Variants in COBLL1 observed in about 807,000 individuals in gnomAD.
COBLL1 encodes the protein cordon-bleu WH2 repeat protein like 1, also known as cordon-bleu protein-like 1.
Under a neutral mutation model 94.8 loss-of-function variants are expected in COBLL1, and 50 were observed. The ratio of observed to expected loss-of-function variants is 0.53; its 90% CI spans 0.42 to 0.67. The LOEUF is 0.67. COBLL1 is among the 30% of genes least tolerant of loss of function. The pLI is 0.00. For synonymous variants in COBLL1, 448 were observed against 473.8 expected (o/e 0.95, Z 0.71); for missense variants, 1,362 against 1,348.7 (o/e 1.01, Z -0.15).
chr2:164,773,057 T>C (rs1354693683), intron 2 of COBLL1, among the ~76,000 whole-genome samples: 1 of 152,164 alleles, frequency 6.6e-6, no homozygotes, highest in East Asian at 1.9e-4. Flanking sequence ...GTAAATTGAC[T>C]AACTGCAATT....
intron 2 of COBLL1, among the ~76,000 whole-genome samples, chr2:164,773,446 C>G (rs1161174490): frequency 6.6e-6 from 1 of 151,968 alleles, no homozygotes; most frequent in Non-Finnish European, 1.5e-5. Flanking sequence ...TATTCTCTAA[C>G]ATGTATATAC....
At chr2:164,807,530 C>T (rs1316567160) in intron 2 of COBLL1, among the ~76,000 whole-genome samples, 1 of 151,002 alleles carries the variant, frequency 6.6e-6, no homozygotes, top group Admixed American at 6.6e-5. Flanking sequence ...ACATCCTCTC[C>T]ATATATTTGT....
rs550025961 is a variant in COBLL1 at position 164,715,751 on chromosome 2, C to T, written c.996+6324G>A. On this transcript the variant is annotated intron_variant, in intron 7 of 13. Transcript: ENST00000652658. Reference sequence around the variant, plus strand: ...ATAATACTAGATGGCAAAGAGTTTCCGTTTCTCAATAGTTGAGTGTTTGTC... The same window carrying T: ...ATAATACTAGATGGCAAAGAGTTTCTGTTTCTCAATAGTTGAGTGTTTGTC... Among the ~76,000 whole-genome samples the T allele has an allele frequency of 2.4e-3, 371 of 151,702 alleles. 1 individual carries two copies. Among genetic ancestry groups the T allele is most frequent in the Non-Finnish European group, 4.5e-3 (308 of 67,892 alleles).
intron 8 of COBLL1, 36 bp downstream of exon 8, chr2:164,704,916 A>T: frequency 1.3e-6 from 2 of 1,514,144 alleles, no homozygotes; most frequent in Non-Finnish European, 8.8e-7. Flanking sequence ...AACAAAACAC[A>T]ATACAAATGT....
chr2:164,805,363 A>ATTTATATATATATAT (rs1553480466), intron 2 of COBLL1, among the ~76,000 whole-genome samples: 6 of 115,882 alleles, frequency 5.2e-5, no homozygotes, highest in South Asian at 2.7e-4. Context: ...ATATATATAT[A>ATTTATATATATATAT]AAACTAAAGT....
chr2:164,666,208 C>A (rs2105384789), intron 1 of COBLL1, among the ~76,000 whole-genome samples: 1 of 152,188 alleles, frequency 6.6e-6, no homozygotes, highest in East Asian at 1.9e-4. Context: ...CCATTCTAGA[C>A]CACTACAATA....
intron 1 of COBLL1, among the ~76,000 whole-genome samples, chr2:164,668,642 A>G (rs760426576): frequency 3.4e-4 from 52 of 152,348 alleles, no homozygotes; most frequent in Non-Finnish European, 5.3e-4. Context: ...ATGTTCGTGA[A>G]GTGCAATTAA....
At chr2:164,840,650 C>G (rs1360761646) in intron 2 of COBLL1, 1 of 153,084 alleles carries the variant, frequency 6.5e-6, no homozygotes, top group Non-Finnish European at 1.5e-5. Flanking sequence ...GCGCGCACCC[C>G]GCTCGCTCCC....
intron 5 of COBLL1, chr2:164,723,802 A>C (rs908297908): frequency 7.2e-5 from 11 of 151,968 alleles, no homozygotes; most frequent in African/African-American, 2.7e-4. Context: ...TTATTTATTG[A>C]GACAGTCTTT....
At chr2:164,688,900 G>A (rs933985519) in intron 13 of COBLL1, among the ~76,000 whole-genome samples, 6 of 152,018 alleles carry the variant, frequency 3.9e-5, no homozygotes, top group Admixed American at 6.6e-5. Context: ...ACTTGTAATA[G>A]GGTAATAACT....
chr2:164,695,700 G>A lies in COBLL1; in HGVS notation c.1692C>T (p.Asn564=), dbSNP rs1237283060. 14 of 1,613,820 alleles carry A rather than the reference G, an allele frequency of 8.7e-6. No individual in the cohort carries two copies. The highest frequency in any genetic ancestry group is 2.2e-5 in the South Asian group (2 of 91,058). ...NIDMEVERPS[N]SEAHETDTAI... ...CAGTATCAGTTTCATGTGCCTCAGA[G>A]TTTGATGGTCTCTCAACTTCCATAT... The change falls in exon 12 of 14, where the codon AAC becomes AAT. Residue 564 remains asparagine, a synonymous_variant. Coordinates refer to ENST00000652658, the MANE Select transcript of COBLL1 (RefSeq NM_001365672.2).
At chr2:164,761,512 T>A (rs1005036901) in intron 2 of COBLL1, 1 of 148,898 alleles carries the variant, frequency 6.7e-6, no homozygotes, top group Admixed American at 6.7e-5. Context: ...AATACAGAAG[T>A]GAAAACACTG....
chr2:164,744,601 A>G (rs953548445), intron 2 of COBLL1, among the ~76,000 whole-genome samples: 1 of 152,092 alleles, frequency 6.6e-6, no homozygotes, highest in African/African-American at 2.4e-5. Flanking sequence ...GGGGGGATCC[A>G]TTGAGTCCAG....
chr2:164,674,582 A>G (rs1000700946), intron 1 of COBLL1, among the ~76,000 whole-genome samples: 3 of 152,192 alleles, frequency 2.0e-5, no homozygotes, highest in African/African-American at 7.2e-5. Context: ...TTAAATGATT[A>G]ACATCAATGA....
chr2:164,692,255 A>G lies in COBLL1; in HGVS notation c.3266T>C (p.Ile1089Thr). 6.2e-7 allele frequency: 1 copy of G among 1,612,626 alleles called. No individual in the cohort carries two copies. Among genetic ancestry groups the G allele is most frequent in the Non-Finnish European group, 8.5e-7 (1 of 1,179,306 alleles). Residue 1089 changes from isoleucine (I) to threonine (T), a missense_variant, in exon 13 of 14, where the codon ATC becomes ACC. By Grantham distance (89) the Ile-to-Thr change is moderately conservative. Transcript: ENST00000652658. ...EQMRQSLLTA[I>T]RSGEAAAKLK... Reference sequence around the variant, plus strand: ...TTTGGCAGCAGCCTCTCCCGAACGGATTGCAGTCAGCAAACTCTGTCGCAT... The same window carrying G: ...TTTGGCAGCAGCCTCTCCCGAACGGGTTGCAGTCAGCAAACTCTGTCGCAT...
At chr2:164,691,024 C>T (rs1357147796) in intron 13 of COBLL1, among the ~76,000 whole-genome samples, 2 of 152,132 alleles carry the variant, frequency 1.3e-5, no homozygotes, top group African/African-American at 4.8e-5. Flanking sequence ...CACCTAAAAT[C>T]AGACTCTACA....
intron 3 of COBLL1, among the ~76,000 whole-genome samples, chr2:164,742,793 C>T (rs1028012820): frequency 5.3e-5 from 8 of 151,490 alleles, no homozygotes; most frequent in African/African-American, 1.9e-4. Context: ...TAGACAAAAC[C>T]AGATTATAAG....
intron 9 of COBLL1, among the ~76,000 whole-genome samples, chr2:164,702,580 AT>A (rs1477156110): frequency 6.1e-5 from 9 of 148,376 alleles, no homozygotes; most frequent in African/African-American, 1.2e-4. Context: ...AAAAAAAATA[AT>A]AATAATAATA....
intron 2 of COBLL1, among the ~76,000 whole-genome samples, chr2:164,783,030 T>G (rs998606446): frequency 2.6e-5 from 4 of 152,186 alleles, no homozygotes; most frequent in African/African-American, 4.8e-5. Context: ...AGTATGCAAT[T>G]ATCACAACTA....
Sources: allele counts gnomAD v4.1 joint callset (sites outside exome capture counted in the v4.1 genomes callset), GRCh38; gene constraint gnomAD v4.1.1; transcripts MANE v1.5; gene names NCBI Gene and HGNC (gene_info 2026-07-23, HGNC 2026-07-21).